MAD1L1: variants seen among roughly 807,000 people sequenced by gnomAD.
MAD1L1 encodes mitotic arrest deficient 1 like 1.
Under a neutral mutation model 96.9 loss-of-function variants are expected in MAD1L1, and 95 were observed. That is an observed-to-expected ratio of 0.98 (90% confidence interval 0.83 to 1.16). The LOEUF (loss-of-function observed/expected upper bound fraction) is 1.16, where lower values mean the gene tolerates loss of function less well. Among genes scored for constraint, MAD1L1 ranks in the 50% most tolerant of loss-of-function variants. The pLI, the probability that MAD1L1 is intolerant of heterozygous loss-of-function variation, is 0.00. For synonymous variants in MAD1L1, 473 were observed against 396.6 expected, an observed-to-expected ratio of 1.19 and a Z score of -2.29; for missense variants, 1,007 against 954.4, an observed-to-expected ratio of 1.06 and a Z score of -0.73.
At chr7:2,037,835 A>G (rs992771589) in intron 12 of MAD1L1, among the ~76,000 whole-genome samples, 1 of 152,138 alleles carries the variant, frequency 6.6e-6, no homozygotes, top group African/African-American at 2.4e-5. Flanking sequence ...AATCAGGCCA[A>G]TTAATAACCC....
In MAD1L1 at chr7:2,149,224, A is replaced by T. The variant is rs754653127; in HGVS notation, c.1001T>A (p.Leu334His). 7 of 1,613,908 alleles carry T rather than the reference A, an allele frequency of 4.3e-6. No individual in the cohort carries two copies. The Admixed American group carries it at 1.2e-4, about 27-fold the overall frequency. The change falls in exon 11 of 19, where the codon CTT becomes CAT. Residue 334 changes from leucine (L) to histidine (H), a missense_variant. Physicochemically the swap from Leu to His is moderately conservative, Grantham distance 99. Transcript: ENST00000265854. ...CTGCAGCTCAACCACGAATCTGGAAAGGTCTTCTGGAGTCCTGCAGGATAA... is the reference window on the plus strand; with the variant it reads ...CTGCAGCTCAACCACGAATCTGGAATGGTCTTCTGGAGTCCTGCAGGATAA... The part of the protein sequence containing the change: ...MGLSIRTPED[L>H]SRFVVELQQR...
intron 4 of MAD1L1, 145 bp from the exon 5 acceptor site, chr7:2,222,899 G>A (rs57223236): frequency 1.6e-6 from 1 of 635,954 alleles, no homozygotes; most frequent in African/African-American, 1.9e-5. Flanking sequence ...GGCAGAACCA[G>A]GACGGGACCT....
chr7:2,064,104 C>T (rs55810445), intron 12 of MAD1L1, among the ~76,000 whole-genome samples: 21,277 of 152,078 alleles, frequency 0.14, 1,833 homozygotes, highest in Middle Eastern at 0.3. Flanking sequence ...CTAACCCTGC[C>T]GAGACACTGA....
chr7:2,154,340 T>C (rs1357102956), intron 10 of MAD1L1, among the ~76,000 whole-genome samples: 1 of 152,150 alleles, frequency 6.6e-6, no homozygotes, highest in African/African-American at 2.4e-5. Context: ...AAGGTCTGGG[T>C]GAGCGGAACC....
rs567450415 is a variant in MAD1L1 at position 2,007,144 on chromosome 7, C to T, written c.1360-5023G>A. 6.6e-5 allele frequency among the ~76,000 whole-genome samples: 10 copies of T among 152,294 alleles called. 1 individual carries two copies. In the East Asian group the frequency reaches 7.7e-4, roughly 12 times the overall value. On this transcript the variant is annotated intron_variant, in intron 13 of 18. Coordinates refer to ENST00000265854, the MANE Select transcript of MAD1L1 (RefSeq NM_001013836.2). ...GACAGAGGGAAGGGACCTGAACAGA[C>T]GCCACCAGAGAAGAGGCGCCGAGGT...
chr7:2,132,880 AG>A (rs1788585159), intron 11 of MAD1L1, among the ~76,000 whole-genome samples: 1 of 152,202 alleles, frequency 6.6e-6, no homozygotes, highest in Non-Finnish European at 1.5e-5. Context: ...ACCTGAGAGG[AG>A]GGGTTTGGGC....
At chr7:2,032,290 AGAT>A (rs1270113411) in intron 12 of MAD1L1, among the ~76,000 whole-genome samples, 1 of 151,594 alleles carries the variant, frequency 6.6e-6, no homozygotes, top group Non-Finnish European at 1.5e-5. Context: ...CCTCCCTTTC[AGAT>A]GAGGACAAGG....
intron 10 of MAD1L1, among the ~76,000 whole-genome samples, chr7:2,161,923 C>T (rs1790159380): frequency 7.0e-6 from 1 of 143,146 alleles, no homozygotes; most frequent in East Asian, 2.0e-4. Flanking sequence ...CCAGCCCGTC[C>T]GGGAGGTGGG....
intron 12 of MAD1L1, among the ~76,000 whole-genome samples, chr7:2,067,695 C>T (rs1022052430): frequency 9.2e-5 from 14 of 152,364 alleles, no homozygotes; most frequent in Admixed American, 6.5e-5. Flanking sequence ...CTCCAGGCCT[C>T]GAGGTGACTG....
intron 18 of MAD1L1, among the ~76,000 whole-genome samples, chr7:1,896,785 G>C (rs1421109505): frequency 6.6e-6 from 1 of 152,226 alleles, no homozygotes; most frequent in Non-Finnish European, 1.5e-5. Context: ...AGGGATCCGG[G>C]GAAAACGCTG....
chr7:1,953,724 T>C (rs7807248), intron 16 of MAD1L1, among the ~76,000 whole-genome samples: 131,457 of 152,298 alleles, frequency 0.86, 58,011 homozygotes, highest in Non-Finnish European at 0.96. Flanking sequence ...AGGCGCTCGC[T>C]GCAAACTTCC....
intron 13 of MAD1L1, among the ~76,000 whole-genome samples, chr7:2,008,138 A>C (rs910991423): frequency 1.2e-4 from 19 of 152,232 alleles, no homozygotes; most frequent in Non-Finnish European, 2.8e-4. Context: ...ATATTTCAAT[A>C]AGGCTGCCTT....
At chr7:1,887,989 A>ATG (rs1281118502) in intron 18 of MAD1L1, among the ~76,000 whole-genome samples, 1 of 83,872 alleles carries the variant, frequency 1.2e-5, no homozygotes, top group African/African-American at 5.8e-5. Flanking sequence ...GTGTGCATGC[A>ATG]TGTGTGTATA....
chr7:1,973,279 TCTAA>T (rs982970820), intron 15 of MAD1L1, among the ~76,000 whole-genome samples: 3 of 152,222 alleles, frequency 2.0e-5, no homozygotes, highest in African/African-American at 2.4e-5. Context: ...TCCTGGGTTT[TCTAA>T]CTGTTATTTG....
intron 11 of MAD1L1, among the ~76,000 whole-genome samples, chr7:2,123,058 C>A (rs1788056073): frequency 6.6e-6 from 1 of 151,616 alleles, no homozygotes; most frequent in South Asian, 2.1e-4. Flanking sequence ...AATCCCAGCA[C>A]TTTGGGAGGC....
intron 16 of MAD1L1, among the ~76,000 whole-genome samples, chr7:1,950,928 G>A (rs938254197): frequency 1.3e-5 from 2 of 152,270 alleles, no homozygotes; most frequent in African/African-American, 2.4e-5. Flanking sequence ...ACGGCAGTGT[G>A]GTCAGTGCAC....
intron 11 of MAD1L1, among the ~76,000 whole-genome samples, chr7:2,133,232 C>G (rs1788600958): frequency 6.6e-6 from 1 of 151,510 alleles, no homozygotes; most frequent in Admixed American, 6.6e-5. Flanking sequence ...TGAGCATCTC[C>G]TCATGTGCTT....
At chr7:1,874,597 C>T (rs1462812725) in intron 18 of MAD1L1, 1 of 443,882 alleles carries the variant, frequency 2.3e-6, no homozygotes, top group African/African-American at 2.0e-5. Context: ...ATCAGCATTA[C>T]CCAGAGGCAG....
chr7:2,180,021 C>A (rs1414515647), intron 10 of MAD1L1, among the ~76,000 whole-genome samples: 1 of 152,120 alleles, frequency 6.6e-6, no homozygotes, highest in Non-Finnish European at 1.5e-5. Context: ...GATTTCACCT[C>A]CCCTAATCTC....
Sources: gnomAD v4.1 joint callset for allele counts (sites outside exome capture counted in the v4.1 genomes callset) on GRCh38, gnomAD v4.1.1 for gene constraint, MANE v1.5 for transcripts, NCBI Gene and HGNC (gene_info 2026-07-23, HGNC 2026-07-21) for gene names.